Variants in INPP4B observed in about 807,000 individuals in gnomAD.
INPP4B encodes the protein inositol polyphosphate-4-phosphatase type II B.
INPP4B carries 55 observed loss-of-function variants against 122.5 expected under a neutral mutation model. The observed-to-expected ratio is 0.45, with a 90% confidence interval of 0.36 to 0.56. INPP4B has a LOEUF of 0.56. Ranked by LOEUF, INPP4B falls within the 20% of genes least tolerant of loss-of-function variation. INPP4B has a pLI of 0.00. For synonymous variants in INPP4B, 403 were observed against 388.7 expected, an observed-to-expected ratio of 1.04 and a Z score of -0.43; for missense variants, 1,000 against 1,097.7, an observed-to-expected ratio of 0.91 and a Z score of 1.26.
intron 18 of INPP4B, among the ~76,000 whole-genome samples, chr4:142,143,361 C>CCCCAT (rs61430638): frequency 0.99 from 151,096 of 152,150 alleles, 75,032 homozygotes; most frequent in East Asian, 1. Context: ...AGCATCTGTA[C>CCCCAT]TGAGATATTA....
At chr4:142,549,155 G>A (rs1375427333) in intron 2 of INPP4B, among the ~76,000 whole-genome samples, 2 of 151,984 alleles carry the variant, frequency 1.3e-5, no homozygotes, top group African/African-American at 2.4e-5. Flanking sequence ...CACTTAACCC[G>A]CACTGCACAG....
chr4:142,557,907 CCT>C (rs1486179474), intron 2 of INPP4B, among the ~76,000 whole-genome samples: 5 of 152,144 alleles, frequency 3.3e-5, no homozygotes, highest in Non-Finnish European at 7.3e-5. Context: ...TGGTTCTGCC[CCT>C]GAGGGCCATA....
intron 7 of INPP4B, among the ~76,000 whole-genome samples, chr4:142,381,691 TTAAA>T (rs1194560424): frequency 1.3e-5 from 2 of 152,160 alleles, no homozygotes; most frequent in African/African-American, 2.4e-5. Flanking sequence ...TTTTCTACAC[TTAAA>T]TAATCCAAAT....
intron 18 of INPP4B, among the ~76,000 whole-genome samples, chr4:142,137,788 C>T (rs909112826): frequency 2.6e-4 from 40 of 151,650 alleles, no homozygotes; most frequent in Non-Finnish European, 5.0e-4. Flanking sequence ...TGAAAAAATG[C>T]TCACCATCAC....
chr4:142,139,711 T>A (rs891735562), intron 18 of INPP4B, among the ~76,000 whole-genome samples: 1 of 152,178 alleles, frequency 6.6e-6, no homozygotes, highest in Non-Finnish European at 1.5e-5. Flanking sequence ...TATGTGTTCC[T>A]ATTTGAAGGT....
At chr4:142,519,324 T>A (rs896135152) in intron 2 of INPP4B, among the ~76,000 whole-genome samples, 8 of 152,204 alleles carry the variant, frequency 5.3e-5, no homozygotes, top group Non-Finnish European at 1.2e-4. Context: ...ACATGTTTAA[T>A]CTTCATTAAT....
At chr4:142,183,570 T>TTTC (rs975423638) in intron 15 of INPP4B, among the ~76,000 whole-genome samples, 1 of 148,908 alleles carries the variant, frequency 6.7e-6, no homozygotes, top group Non-Finnish European at 1.5e-5. Context: ...TATAGATGAC[T>TTTC]TTTCTGCTGT....
At chr4:142,648,197 G>A (rs1752201486) in intron 2 of INPP4B, among the ~76,000 whole-genome samples, 1 of 152,210 alleles carries the variant, frequency 6.6e-6, no homozygotes, top group Non-Finnish European at 1.5e-5. Flanking sequence ...ATATGAAAGT[G>A]CCTTCCAAGA....
chr4:142,819,833 C>T (rs1161461309), intron 1 of INPP4B, among the ~76,000 whole-genome samples: 1 of 152,082 alleles, frequency 6.6e-6, no homozygotes, highest in Admixed American at 6.6e-5. Context: ...TATTGACAGA[C>T]ACCCTTGGCT....
At chr4:142,292,424 G>A (rs904156542) in intron 9 of INPP4B, among the ~76,000 whole-genome samples, 7 of 152,114 alleles carry the variant, frequency 4.6e-5, no homozygotes, top group African/African-American at 2.4e-5. Context: ...AGTGTTAGTT[G>A]GCAGACTGCC....
chr4:142,202,051 T>C (rs1840841858), intron 14 of INPP4B, among the ~76,000 whole-genome samples: 1 of 152,082 alleles, frequency 6.6e-6, no homozygotes, highest in Non-Finnish European at 1.5e-5. Flanking sequence ...GTCTTCCTTT[T>C]TGACATTTTA....
intron 1 of INPP4B, among the ~76,000 whole-genome samples, chr4:142,807,441 G>T (rs1458722974): frequency 6.6e-6 from 1 of 152,194 alleles, no homozygotes; most frequent in African/African-American, 2.4e-5. Context: ...AGGGCAAAGG[G>T]AGTATGGGAG....
intron 1 of INPP4B, among the ~76,000 whole-genome samples, chr4:142,820,710 C>T (rs1267911368): frequency 1.3e-5 from 2 of 152,030 alleles, no homozygotes; most frequent in African/African-American, 4.8e-5. Flanking sequence ...GTTCATTGCC[C>T]ATCCAAGCTG....
chr4:142,136,075 G>C (rs1365525560), intron 18 of INPP4B, among the ~76,000 whole-genome samples: 2 of 152,168 alleles, frequency 1.3e-5, no homozygotes, highest in Non-Finnish European at 2.9e-5. Context: ...GGGATTACAG[G>C]TGTGAGCCAC....
At chr4:142,270,264 C>A (rs756937545) in intron 10 of INPP4B, among the ~76,000 whole-genome samples, 2 of 152,132 alleles carry the variant, frequency 1.3e-5, no homozygotes, top group Non-Finnish European at 2.9e-5. Context: ...AAATTAAAAT[C>A]GCATATCTTT....
At chr4:142,316,749 T>C (rs1438188689) in intron 7 of INPP4B, among the ~76,000 whole-genome samples, 1 of 152,186 alleles carries the variant, frequency 6.6e-6, no homozygotes, top group Non-Finnish European at 1.5e-5. Flanking sequence ...TATAAAAGTA[T>C]GTGTTTTAAT....
At chr4:142,369,406 A>G (rs1788865869) in intron 7 of INPP4B, among the ~76,000 whole-genome samples, 1 of 151,624 alleles carries the variant, frequency 6.6e-6, no homozygotes, top group African/African-American at 2.4e-5. Flanking sequence ...CAACATGATG[A>G]TGAAACCTCA....
intron 7 of INPP4B, among the ~76,000 whole-genome samples, chr4:142,397,862 A>C (rs1799867469): frequency 6.6e-6 from 1 of 151,848 alleles, no homozygotes; most frequent in South Asian, 2.1e-4. Flanking sequence ...ATAAAAAATA[A>C]AAAAAGTGCT....
At chr4:142,217,991 A>G (rs1163159241) in intron 12 of INPP4B, among the ~76,000 whole-genome samples, 1 of 151,892 alleles carries the variant, frequency 6.6e-6, no homozygotes, top group Admixed American at 6.6e-5. Flanking sequence ...AAATCTTGGG[A>G]CTTGTCAGCT....
Sources: allele counts gnomAD v4.1 joint callset (sites outside exome capture counted in the v4.1 genomes callset), GRCh38; gene constraint gnomAD v4.1.1; transcripts MANE v1.5; gene names NCBI Gene and HGNC (gene_info 2026-07-23, HGNC 2026-07-21).